TTN: variants seen among roughly 807,000 people sequenced by gnomAD.
TTN encodes connectin.
A neutral mutation model predicts 3,223.0 loss-of-function variants in TTN; 1,525 were observed. The observed-to-expected ratio is 0.47, with a 90% CI of 0.45 to 0.49. The LOEUF (loss-of-function observed/expected upper bound fraction) is 0.49. TTN is among the 20% of genes least tolerant of loss of function. The probability of loss-of-function intolerance (pLI) is 0.00; values close to 1 mark genes in which losing one functional copy is unlikely to be tolerated. For missense variants in TTN, 40,786 were observed against 43,424.0 expected, an observed-to-expected ratio of 0.94 and a Z score of 5.40; for synonymous variants, 14,094 against 15,161.0, an observed-to-expected ratio of 0.93 and a Z score of 5.17.
At position 178,591,046 on chromosome 2, in the gene TTN, T is replaced by G; in HGVS notation, c.60679A>C (p.Ser20227Arg). The G allele has an allele frequency of 6.2e-7, 1 of 1,613,490 alleles. No individual in the cohort carries two copies. The highest frequency in any genetic ancestry group is 8.5e-7 in the Non-Finnish European group (1 of 1,179,580). The stretch of plus-strand genomic sequence containing the variant: ...TGTGGGATTTTCAGCTTTGTCTTAC[T>G]GCTTCCGGAAGAGACAACACCCCAC... ...DTWGVVSSGS[S>R]KTKLKIPHLQ... The change falls in exon 304 of 363, where the codon AGT (serine) becomes CGT (arginine). Residue 20227 changes from serine to arginine, a missense_variant. By Grantham distance (110) the Ser-to-Arg change is moderately radical (BLOSUM62 -1). Coordinates refer to ENST00000589042, the MANE Select transcript of TTN (RefSeq NM_001267550.2).
chr2:178,695,952 C>G lies in TTN; in HGVS notation c.31120G>C (p.Glu10374Gln), dbSNP rs760492093. The change falls in exon 114 of 363, where the codon GAA (glutamate) becomes CAA (glutamine). Residue 10374 changes from glutamate to glutamine, a missense_variant. By Grantham distance (29) the Glu-to-Gln change is conservative. Transcript: ENST00000589042. ...TCCTCCCCTTCGTCATAGCCTTCTT[C>G]CCTTTCATAGTATTCTTGCCCTTCT... The part of the protein sequence containing the change: ...FEEGQEYYER[E>Q]EGYDEGEEEW... 1 of 1,529,242 alleles carries G rather than the reference C, an allele frequency of 6.5e-7. No homozygotes were observed. The highest frequency in any genetic ancestry group is 8.8e-7 in the Non-Finnish European group (1 of 1,138,284). The allele number at this position is 1,529,242 out of a possible 1,614,324, so 94.7% of individuals were successfully genotyped here.
intron 350 of TTN, 78 bp downstream of exon 350, chr2:178,541,204 C>A (rs952073359): frequency 2.2e-6 from 3 of 1,338,880 alleles, no homozygotes; most frequent in African/African-American, 3.0e-5. Flanking sequence ...AGTCATAGAA[C>A]TATATATTTC....
chr2:178,584,042 C>A, intron 311 of TTN, 136 bp from the exon 312 acceptor site: 1 of 1,116,388 alleles, frequency 9.0e-7, no homozygotes, highest in Admixed American at 3.1e-5. Context: ...AACCGTCCAA[C>A]TAGTATGCAC....
chr2:178,733,796 G>A lies in TTN; in HGVS notation c.15593C>T (p.Ser5198Phe). ...CTCTTGACCTTTCATCCATGTGACA[G>A]AAATGGGCTCTGACCCTCTCACAGC... is the stretch of plus-strand genomic sequence containing the variant. The part of the protein sequence containing the change: ...QAAVRGSEPI[S>F]VTWMKGQEVI... Residue 5198 changes from serine (S) to phenylalanine (F), a missense_variant, in exon 53 of 363, where the codon TCT becomes TTT. Physicochemically the swap from Ser to Phe is radical, Grantham distance 155. Transcript: ENST00000589042. 6.2e-7 allele frequency: 1 copy of A among 1,613,806 alleles called. No individual in the cohort carries two copies. The highest frequency in any genetic ancestry group is 8.5e-7 in the Non-Finnish European group (1 of 1,179,768).
At position 178,653,221 on chromosome 2, in the gene TTN, A is replaced by G. The variant is rs1442647952; in HGVS notation, c.38791+17T>C. 2 of 1,611,550 alleles carry G rather than the reference A, an allele frequency of 1.2e-6. No homozygotes were observed. The highest frequency in any genetic ancestry group is 1.7e-5 in the Admixed American group (1 of 59,722). Reference sequence around the variant, plus strand: ...AAAGAATTAGATCATCTGAAGCCTAAGGTCAGTGACAAATACCTTTAACAG... The same window carrying G: ...AAAGAATTAGATCATCTGAAGCCTAGGGTCAGTGACAAATACCTTTAACAG... On this transcript the variant is annotated intron_variant, in intron 198 of 362. Transcript: ENST00000589042.
In TTN at chr2:178,537,475, A is replaced by G; in HGVS notation, c.99732T>C (p.Thr33244=). 1.9e-6 allele frequency: 3 copies of G among 1,613,612 alleles called. No homozygotes were observed. Among genetic ancestry groups the G allele is most frequent in the South Asian group, 1.1e-5 (1 of 91,066 alleles). The change falls in exon 355 of 363, where the codon ACT becomes ACC. Residue 33244 remains threonine, a synonymous_variant. Transcript: ENST00000589042. ...GAGTATAGTGCTCAGTGTTTTCAAT[A>G]GTAATGTTTTCTGAGTTTTGCAAAA... ...QKLLQNSENI[T]IENTEHYTHL... is the part of the protein sequence containing the mutation.
At chr2:178,751,463 T>G (rs1225672256) in intron 47 of TTN, 30 of 1,613,246 alleles carry the variant, frequency 1.9e-5, no homozygotes, top group Non-Finnish European at 2.5e-5. Flanking sequence ...TTCCACATCT[T>G]GTTTTTTGTT....
chr2:178,789,306 GT>G, intron 13 of TTN, 53 bp downstream of exon 13: 1 of 1,600,468 alleles, frequency 6.2e-7, no homozygotes. Flanking sequence ...CACATGATAT[GT>G]GGTATTAATG....
At chr2:178,584,197 C>T in intron 311 of TTN, 79 bp downstream of exon 311, 1 of 1,466,188 alleles carries the variant, frequency 6.8e-7, no homozygotes, top group Non-Finnish European at 9.1e-7. Context: ...TCTTGGAGTC[C>T]AAATCTTAGA....
Position 178,664,096 on chromosome 2 carries a change from G to A in TTN, c.36283C>T (p.His12095Tyr), listed in dbSNP as rs2065379461. The A allele has an allele frequency of 3.7e-6, 6 of 1,608,408 alleles. No individual in the cohort carries two copies. The highest frequency in any genetic ancestry group is 5.1e-6 in the Non-Finnish European group (6 of 1,178,406). The part of the protein sequence containing the change: ...QRAEVVPVKV[H>Y]EAPKEIIPEK... Reference sequence around the variant, plus strand: ...GGGATAATCTCTTTGGGAGCTTCGTGCACTTGAAAGATATTAGTATTTTTA... The same window carrying A: ...GGGATAATCTCTTTGGGAGCTTCGTACACTTGAAAGATATTAGTATTTTTA... The change falls in exon 169 of 363, where the codon CAC becomes TAC. Residue 12095 changes from histidine (H) to tyrosine (Y), a missense_variant and splice_region_variant. Physicochemically the swap from His to Tyr is moderately conservative, Grantham distance 83. Coordinates refer to ENST00000589042, the MANE Select transcript of TTN (RefSeq NM_001267550.2).
intron 40 of TTN, 108 bp downstream of exon 40, chr2:178,767,651 T>C (rs989047042): frequency 6.7e-7 from 1 of 1,490,440 alleles, no homozygotes; most frequent in Non-Finnish European, 9.2e-7. Context: ...CTGATTTAAT[T>C]CTTTAAAGGA....
At position 178,776,053 on chromosome 2, in the gene TTN, A is replaced by G. The variant is rs2092189489; in HGVS notation, c.5811T>C (p.Ser1937=). The change falls in exon 28 of 363, where the codon TCT becomes TCC. Residue 1937 remains serine, a synonymous_variant. Coordinates refer to ENST00000589042, the MANE Select transcript of TTN (RefSeq NM_001267550.2). ...TTGGTTCAGGAGCTCTCCTAAGGAC[A>G]GACCTAAAATCTTCCCTCTGTTGAA... The part of the protein sequence containing the change: ...LEIQQREDFR[S]VLRRAPEPRP... The G allele has an allele frequency of 3.1e-6, 5 of 1,614,192 alleles. No individual in the cohort carries two copies. Among genetic ancestry groups the G allele is most frequent in the Non-Finnish European group, 3.4e-6 (4 of 1,180,006 alleles).
rs747768723 is a variant in TTN, at chr2:178,764,676, G to T, written c.9839C>A (p.Ser3280Tyr). Residue 3280 changes from serine (S) to tyrosine (Y), a missense_variant, in exon 42 of 363, where the codon TCC becomes TAC. Transcript: ENST00000589042. ...ISWYKEEQLL[S>Y]TGFKCKFLHD... ...AAGAAATTTGCACTTGAAGCCAGTG[G>T]AAAGCAGCTGCTCTTCCTTGTACCA... 3.7e-6 allele frequency: 6 copies of T among 1,614,156 alleles called. No homozygotes were observed. The highest frequency in any genetic ancestry group is 5.1e-6 in the Non-Finnish European group (6 of 1,180,008).
intron 197 of TTN, 47 bp from the exon 198 acceptor site, chr2:178,653,368 A>G: frequency 6.2e-7 from 1 of 1,609,248 alleles, no homozygotes; most frequent in Non-Finnish European, 8.5e-7. Context: ...GGAGACTACT[A>G]GCAAAATATA....
In TTN at chr2:178,622,025, TA is replaced by T; in HGVS notation, c.44914-18del. On this transcript the variant is annotated intron_variant, in intron 243 of 362. Coordinates refer to ENST00000589042, the MANE Select transcript of TTN (RefSeq NM_001267550.2). ...CCACTTAACCTATATTTAAGATAAA[TA>T]GATTATCAGTTTTCTTGTTGTTCCT... 1 of 1,584,456 alleles carries T rather than the reference TA, an allele frequency of 6.3e-7. No homozygotes were observed. Among genetic ancestry groups the T allele is most frequent in the Non-Finnish European group, 8.6e-7 (1 of 1,164,244 alleles).
At chr2:178,657,416 A>AAT (rs1214264824) in intron 189 of TTN, 82 bp downstream of exon 189, 453 of 546,180 alleles carry the variant, frequency 8.3e-4, no homozygotes, top group Middle Eastern at 2.4e-3. Flanking sequence ...GTATAATAAA[A>AAT]ATATATATAT....
chr2:178,759,151 C>T lies in TTN; in HGVS notation c.10136G>A (p.Ser3379Asn), dbSNP rs747136566. The T allele has an allele frequency of 1.8e-5, 29 of 1,613,822 alleles. No individual in the cohort carries two copies. The South Asian group carries it at 2.6e-4, about 15-fold the overall frequency. The stretch of plus-strand genomic sequence containing the variant: ...AGATGGCTTGATTTTCTTGTCTTTG[C>T]TGTACCACGACACTTTTAGATCTGC... ...SGTDLKVSWY[S>N]KDKKIKPSRF... Residue 3379 changes from serine (S) to asparagine (N), a missense_variant, in exon 44 of 363, where the codon AGC becomes AAC. By Grantham distance (46) the Ser-to-Asn change is conservative. Coordinates refer to ENST00000589042, the MANE Select transcript of TTN (RefSeq NM_001267550.2).
intron 119 of TTN, 26 bp downstream of exon 119, chr2:178,693,583 T>G: frequency 6.7e-7 from 1 of 1,490,510 alleles, no homozygotes; most frequent in Non-Finnish European, 9.1e-7. Context: ...TTAAAAGAGT[T>G]TAAACTTAGA....
At chr2:178,747,753 A>T (rs764800784) in intron 47 of TTN, 12 of 1,611,456 alleles carry the variant, frequency 7.4e-6, no homozygotes, top group Non-Finnish European at 7.6e-6. Context: ...TTTTGAGAAA[A>T]ACTAGTTTCT....
Sources: allele counts gnomAD v4.1 joint callset, GRCh38; gene constraint gnomAD v4.1.1; transcripts MANE v1.5; gene names NCBI Gene and HGNC (gene_info 2026-07-23, HGNC 2026-07-21).